Variants in NFIC observed in about 807,000 individuals in gnomAD.
NFIC encodes nuclear factor I C.
Under a neutral mutation model 54.4 loss-of-function variants are expected in NFIC, and 12 were observed. That is an observed-to-expected ratio of 0.22 (90% CI 0.14 to 0.36). The LOEUF is 0.36. Among genes scored for constraint, NFIC ranks in the 10% least tolerant of loss-of-function variants. NFIC has a pLI of 1.00. For synonymous variants in NFIC, 322 were observed against 319.2 expected, an observed-to-expected ratio of 1.01 and a Z score of -0.09; for missense variants, 575 against 718.2, an observed-to-expected ratio of 0.80 and a Z score of 2.28.
At position 3,435,085 on chromosome 19, in the gene NFIC, G is replaced by A; in HGVS notation, c.836G>A (p.Ser279Asn). The A allele has an allele frequency of 1.3e-6, 2 of 1,597,382 alleles. No individual in the cohort carries two copies. The highest frequency in any genetic ancestry group is 8.5e-7 in the Non-Finnish European group (1 of 1,169,900). ...TCTCCCCTTCCCTCGCCCATAAGGA[G>A]CAAGCGGCACAAATCGGGCTCGATG... ...RTLPSTSSSGSKRHKSGSMEE... is the reference protein window; with the variant it reads ...RTLPSTSSSGNKRHKSGSMEE... The change falls in exon 6 of 11, where the codon AGC (serine) becomes AAC (asparagine). Residue 279 changes from serine to asparagine, a missense_variant and splice_region_variant. By Grantham distance (46) the Ser-to-Asn change is conservative (BLOSUM62 1). Transcript: ENST00000443272.
At chr19:3,409,205 C>G (rs1191441753) in intron 2 of NFIC, among the ~76,000 whole-genome samples, 1 of 152,178 alleles carries the variant, frequency 6.6e-6, no homozygotes, top group Non-Finnish European at 1.5e-5. Context: ...TGGGGTCTGT[C>G]TCTGCCTTTC....
chr19:3,367,078 G>A (rs1362494722), intron 1 of NFIC, among the ~76,000 whole-genome samples: 3 of 152,070 alleles, frequency 2.0e-5, no homozygotes, highest in East Asian at 1.9e-4. Flanking sequence ...GCCTCTGAGA[G>A]GAATCTAGGG....
chr19:3,425,046 C>A (rs1178562781), intron 2 of NFIC, 60 bp from the exon 3 acceptor site: 8 of 1,578,108 alleles, frequency 5.1e-6, no homozygotes, highest in Non-Finnish European at 6.9e-6. Context: ...ATCGACACTT[C>A]ATCTGCTCCT....
chr19:3,387,239 T>C (rs2005786), intron 2 of NFIC, among the ~76,000 whole-genome samples: 51,633 of 152,162 alleles, frequency 0.34, 11,575 homozygotes, highest in African/African-American at 0.64. Context: ...CAGTGGCTCA[T>C]ACCTGCAATC....
At position 3,435,198 on chromosome 19, in the gene NFIC, A is replaced by C. The variant is rs1469820989; in HGVS notation, c.949A>C (p.Met317Leu). The change falls in exon 6 of 11, where the codon ATG (methionine) becomes CTG (leucine). Residue 317 changes from methionine to leucine, a missense_variant. Physicochemically the swap from Met to Leu is conservative, Grantham distance 15. Transcript: ENST00000443272. ...TSSSRNWTED[M>L]EGGISSPVKK... ...TAGCAGCCGCAACTGGACGGAGGAC[A>C]TGGAAGGAGGTAGGGCTGGTGGCGG... The C allele has an allele frequency of 6.2e-7, 1 of 1,601,448 alleles. No homozygotes were observed. The highest frequency in any genetic ancestry group is 2.3e-5 in the East Asian group (1 of 44,380).
rs2080784802 is a variant in NFIC at position 3,359,664 on chromosome 19, G to T, written c.-19G>T. The stretch of plus-strand genomic sequence containing the variant: ...GCGCGCTCGCTCCGGCGCCGGCCTC[G>T]CCTCCTCGCAGCAGCGCCATGGTAC... On this transcript the variant is annotated 5_prime_UTR_variant, in exon 1 of 10. Coordinates refer to the NFIC transcript ENST00000395111. 3.6e-6 allele frequency: 5 copies of T among 1,400,978 alleles called. 1 individual carries two copies. The South Asian group carries it at 7.4e-5, about 21-fold the overall frequency. 86.8% of individuals were successfully genotyped at this position (1,400,978 alleles called of 1,614,324 possible).
intron 2 of NFIC, among the ~76,000 whole-genome samples, chr19:3,417,411 G>A (rs186098544): frequency 5.9e-5 from 9 of 152,202 alleles, no homozygotes; most frequent in Non-Finnish European, 1.2e-4. Context: ...TTAATCAGAT[G>A]GGGTCAGGAA....
chr19:3,431,879 C>T (rs2082125763), intron 3 of NFIC, among the ~76,000 whole-genome samples: 1 of 152,190 alleles, frequency 6.6e-6, no homozygotes, highest in Non-Finnish European at 1.5e-5. Context: ...TTTGAAGGGA[C>T]ATTTGGGTGG....
rs62130570 is a variant in NFIC at position 3,462,910 on chromosome 19, C to A, written c.*141C>A. Reference sequence around the variant, plus strand: ...CCGACTCCCAGCCCGGCCAAAAAGACAAAACACATAGACGCACACACTCAG... The same window carrying A: ...CCGACTCCCAGCCCGGCCAAAAAGAAAAAACACATAGACGCACACACTCAG... On this transcript the variant is annotated 3_prime_UTR_variant, in exon 11 of 11. Coordinates refer to ENST00000443272, the MANE Select transcript of NFIC (RefSeq NM_001245002.2). The A allele has an allele frequency of 1.3e-6, 2 of 1,546,846 alleles. No homozygotes were observed. Among genetic ancestry groups the A allele is most frequent in the Admixed American group, 4.1e-5 (2 of 49,244 alleles).
intron 6 of NFIC, among the ~76,000 whole-genome samples, chr19:3,439,679 C>T (rs1322846625): frequency 1.3e-5 from 2 of 150,018 alleles, no homozygotes; most frequent in Non-Finnish European, 3.0e-5. Context: ...GAAGAGAAAA[C>T]ACTGGAAGAA....
intron 6 of NFIC, among the ~76,000 whole-genome samples, chr19:3,446,470 G>A (rs2082376030): frequency 6.6e-6 from 1 of 152,224 alleles, no homozygotes; most frequent in African/African-American, 2.4e-5. Context: ...CCACCCCAGA[G>A]AATGATCCAG....
At chr19:3,403,574 G>GT (rs1354927326) in intron 2 of NFIC, among the ~76,000 whole-genome samples, 2 of 152,174 alleles carry the variant, frequency 1.3e-5, no homozygotes, top group African/African-American at 4.8e-5. Context: ...TTGGTATTTT[G>GT]TTTTTTCTTG....
chr19:3,375,523 GC>G lies in NFIC; in HGVS notation c.31-6184del, dbSNP rs993691156. The stretch of plus-strand genomic sequence containing the variant: ...CGAGATTGGACAGGGCCTGGGCCGG[GC>G]CCCCTCCACCTCCCCTTTGCCTTAG... On this transcript the variant is annotated intron_variant, in intron 1 of 10. Transcript: ENST00000443272. This position sits in a 1 kb window ranked among gnomAD's most constrained non-coding sequence, Gnocchi z 4.6. Among the ~76,000 whole-genome samples, 3 of 152,222 alleles carry G rather than the reference GC, an allele frequency of 2.0e-5. No individual in the cohort carries two copies. The highest frequency in any genetic ancestry group is 2.9e-5 in the Non-Finnish European group (2 of 68,038).
intron 2 of NFIC, among the ~76,000 whole-genome samples, chr19:3,394,530 A>C (rs4807459): frequency 0.66 from 23,193 of 34,946 alleles, 6,511 homozygotes; most frequent in East Asian, 0.76. Flanking sequence ...CCCACCCCCC[A>C]CCCGCTTACA....
At chr19:3,362,698 C>T (rs937552366), upstream of NFIC, among the ~76,000 whole-genome samples, 1 of 151,980 alleles carries the variant, frequency 6.6e-6, no homozygotes, top group Non-Finnish European at 1.5e-5. Flanking sequence ...CTTTAACATC[C>T]CTTCTTACAG....
chr19:3,383,860 A>G (rs992597547), intron 2 of NFIC, among the ~76,000 whole-genome samples: 2 of 152,124 alleles, frequency 1.3e-5, no homozygotes, highest in African/African-American at 2.4e-5. Context: ...CAGACTGCCC[A>G]TGCTCCAGAC....
In NFIC at chr19:3,399,123, T is replaced by G. The variant is rs111226327; in HGVS notation, c.562+16880T>G. ...CCTCCCCTTCTGCACAGTGGGGCAA[T>G]GCAGGAAGACGTGAGGTCCTGGAGG... On this transcript the variant is annotated intron_variant, in intron 2 of 10. Coordinates refer to ENST00000443272, the MANE Select transcript of NFIC (RefSeq NM_001245002.2). Among the ~76,000 whole-genome samples, 371 of 152,268 alleles carry G rather than the reference T, an allele frequency of 2.4e-3. 1 individual carries two copies. Among genetic ancestry groups the G allele is most frequent in the African/African-American group, 8.6e-3 (357 of 41,574 alleles).
chr19:3,452,933 T>C lies in NFIC; in HGVS notation c.1269+267T>C, dbSNP rs1024254142. ...CCAGCAACTGCGTGAGTCGTACTCATGTTAACACAAGGCAGGGAGGGACTG... is the reference window on the plus strand; with the variant it reads ...CCAGCAACTGCGTGAGTCGTACTCACGTTAACACAAGGCAGGGAGGGACTG... On this transcript the variant is annotated intron_variant, in intron 8 of 10. Transcript: ENST00000443272. This position sits in a 1 kb window ranked among gnomAD's most constrained non-coding sequence, Gnocchi z 5.3. Among the ~76,000 whole-genome samples the C allele has an allele frequency of 5.3e-5, 8 of 152,188 alleles. No individual in the cohort carries two copies. The highest frequency in any genetic ancestry group is 2.1e-4 in the South Asian group (1 of 4,832).
chr19:3,461,575 T>G (rs1476882647), intron 10 of NFIC, among the ~76,000 whole-genome samples: 1 of 151,178 alleles, frequency 6.6e-6, no homozygotes, highest in African/African-American at 2.4e-5. Context: ...ATACAAAAAT[T>G]AGCTGGGTGT....
Sources: gnomAD v4.1 joint callset for allele counts (sites outside exome capture counted in the v4.1 genomes callset) on GRCh38, gnomAD v4.1.1 for gene constraint, Gnocchi (gnomAD v3.1) non-coding constraint, MANE v1.5 for transcripts, NCBI Gene and HGNC (gene_info 2026-07-23, HGNC 2026-07-21) for gene names.